The following RND3 variants were observed in gnomAD, a reference collection of about 807,000 sequenced individuals.
RND3 encodes Rho family GTPase 3.
A neutral mutation model predicts 26.5 loss-of-function variants in RND3; 8 were observed. That is an observed-to-expected ratio of 0.30 (90% CI 0.18 to 0.54). RND3 has a LOEUF of 0.54. Ranked by LOEUF, RND3 falls within the 20% of genes least tolerant of loss-of-function variation. RND3 has a pLI of 0.94. For missense variants in RND3, 207 were observed against 302.8 expected (o/e 0.68, Z 2.35); for synonymous variants, 113 against 113.0 (o/e 1.00, Z 0.00).
At chr2:150,476,449 T>C (rs938889623) in intron 3 of RND3, among the ~76,000 whole-genome samples, 2 of 152,214 alleles carry the variant, frequency 1.3e-5, no homozygotes, top group African/African-American at 4.8e-5. Context: ...TGCAGCTTTT[T>C]CTCTAGCTCC....
At chr2:150,481,878 A>T (rs1037691231) in intron 3 of RND3, among the ~76,000 whole-genome samples, 2 of 152,178 alleles carry the variant, frequency 1.3e-5, no homozygotes, top group African/African-American at 4.8e-5. Context: ...ACCATTCTTC[A>T]TACTTGATGT....
intron 4 of RND3, among the ~76,000 whole-genome samples, chr2:150,473,089 G>T (rs11674176): frequency 7.1e-6 from 1 of 140,058 alleles, no homozygotes. Context: ...GAATTATGTA[G>T]GAACACCTAC....
chr2:150,477,695 G>A (rs1350612743), intron 3 of RND3, among the ~76,000 whole-genome samples: 2 of 152,126 alleles, frequency 1.3e-5, no homozygotes, highest in Admixed American at 6.5e-5. Context: ...AAAATGAAAC[G>A]GAGTTCTCCA....
intron 3 of RND3, among the ~76,000 whole-genome samples, chr2:150,482,135 T>A (rs1453685317): frequency 6.6e-6 from 1 of 152,184 alleles, no homozygotes; most frequent in African/African-American, 2.4e-5. Context: ...AGCATAGTTA[T>A]TGTGGGGAAT....
At chr2:150,474,374 T>C (rs1279162073) in intron 4 of RND3, among the ~76,000 whole-genome samples, 3 of 152,226 alleles carry the variant, frequency 2.0e-5, no homozygotes, top group Non-Finnish European at 4.4e-5. Context: ...GACAGATACC[T>C]GATCATCAGA....
At chr2:150,473,383 T>C (rs1324850210) in intron 4 of RND3, among the ~76,000 whole-genome samples, 1 of 152,158 alleles carries the variant, frequency 6.6e-6, no homozygotes, top group Non-Finnish European at 1.5e-5. Context: ...AAATTATGCA[T>C]AGCCTGATAC....
At chr2:150,472,917 T>C (rs1686108837) in intron 4 of RND3, among the ~76,000 whole-genome samples, 1 of 152,092 alleles carries the variant, frequency 6.6e-6, no homozygotes, top group South Asian at 2.1e-4. Context: ...CGAACTCTAG[T>C]GCAAACTACA....
intron 3 of RND3, among the ~76,000 whole-genome samples, chr2:150,483,930 A>C (rs1686317856): frequency 6.6e-6 from 1 of 152,244 alleles, no homozygotes; most frequent in Admixed American, 6.5e-5. Context: ...TTTGCAGTAC[A>C]AAATTTTCTT....
Position 150,469,738 on chromosome 2 carries a change from T to C in RND3, c.*249A>G, listed in dbSNP as rs1344144049. On this transcript the variant is annotated 3_prime_UTR_variant, in exon 6 of 6. Coordinates refer to ENST00000263895, the MANE Select transcript of RND3 (RefSeq NM_005168.5). ...CCCCCTCATCTTCCTCTAGCTCATT[T>C]GTATCTCTCATTTTTTGGCATATTT... The C allele has an allele frequency of 4.1e-6, 2 of 483,618 alleles. No homozygotes were observed. Among genetic ancestry groups the C allele is most frequent in the African/African-American group, 3.9e-5 (2 of 51,278 alleles). 30.0% of individuals were successfully genotyped at this position (483,618 alleles called of 1,614,324 possible). A position where few individuals can be genotyped will look rare whatever the true frequency, so the allele number is the denominator to read the frequency against.
Position 150,486,491 on chromosome 2 carries a change from C to T in RND3, c.238+203G>A, listed in dbSNP as rs777543781. Among the ~76,000 whole-genome samples, 7 of 152,380 alleles carry T rather than the reference C, an allele frequency of 4.6e-5. No homozygotes were observed. The highest frequency in any genetic ancestry group is 7.3e-5 in the Non-Finnish European group (5 of 68,044). On this transcript the variant is annotated intron_variant, in intron 3 of 5. Transcript: ENST00000263895. The surrounding 1 kb of genome is among the most constrained non-coding windows in gnomAD (Gnocchi z 4.5). ...TCACCCTGCGGGCACACAGCGCTCT[C>T]CTCTCCCCACTGCTATCTCCTCGTC...
intron 3 of RND3, among the ~76,000 whole-genome samples, chr2:150,484,982 C>A (rs1686333528): frequency 6.6e-6 from 1 of 152,208 alleles, no homozygotes; most frequent in Non-Finnish European, 1.5e-5. Flanking sequence ...ATAACAAATA[C>A]ATACCATGAT....
At chr2:150,470,325 A>C in intron 5 of RND3, 87 bp from the exon 6 acceptor site, 1 of 1,362,384 alleles carries the variant, frequency 7.3e-7, no homozygotes, top group Non-Finnish European at 1.0e-6. Flanking sequence ...AAATAATAAC[A>C]CATTGCAAAA....
intron 2 of RND3, chr2:150,487,041 A>G: frequency 5.0e-6 from 3 of 604,206 alleles, no homozygotes; most frequent in Middle Eastern, 4.3e-4. Flanking sequence ...AACAAGTTTC[A>G]GGAGCTAACC....
intron 3 of RND3, 94 bp from the exon 4 acceptor site, chr2:150,475,078 T>C (rs1686143884): frequency 1.4e-6 from 1 of 707,600 alleles, no homozygotes; most frequent in East Asian, 2.7e-5. Context: ...CCTTTGACTG[T>C]CACATCACGA....
intron 4 of RND3, chr2:150,472,110 T>C (rs1007477922): frequency 1.7e-5 from 4 of 239,812 alleles, no homozygotes; most frequent in African/African-American, 4.6e-5. Context: ...TAAGAATAAT[T>C]ATATATCCTA....
At chr2:150,479,703 A>G (rs1686237869) in intron 3 of RND3, among the ~76,000 whole-genome samples, 1 of 152,198 alleles carries the variant, frequency 6.6e-6, no homozygotes, top group Non-Finnish European at 1.5e-5. Context: ...CTCTAATCAG[A>G]GGAAAAGGTT....
intron 3 of RND3, among the ~76,000 whole-genome samples, chr2:150,484,333 T>A (rs1686324103): frequency 6.6e-6 from 1 of 152,236 alleles, no homozygotes; most frequent in Non-Finnish European, 1.5e-5. Context: ...GCCCACATTT[T>A]GGTTTATGTT....
At chr2:150,477,048 T>C (rs762062097) in intron 3 of RND3, among the ~76,000 whole-genome samples, 1 of 152,074 alleles carries the variant, frequency 6.6e-6, no homozygotes, top group Admixed American at 6.5e-5. Flanking sequence ...ACTGGACATA[T>C]AAATGAGAGT....
chr2:150,477,679 G>A (rs1261873671), intron 3 of RND3, among the ~76,000 whole-genome samples: 2 of 152,140 alleles, frequency 1.3e-5, no homozygotes, highest in African/African-American at 4.8e-5. Flanking sequence ...ACTCTGGCCT[G>A]ATTTTAAAAT....
Sources: gnomAD v4.1 joint callset for allele counts (sites outside exome capture counted in the v4.1 genomes callset) on GRCh38, gnomAD v4.1.1 for gene constraint, Gnocchi (gnomAD v3.1) non-coding constraint, MANE v1.5 for transcripts, NCBI Gene and HGNC (gene_info 2026-07-23, HGNC 2026-07-21) for gene names.